Variants in MAST2 observed in about 807,000 individuals in gnomAD.
MAST2 encodes the protein microtubule associated serine/threonine kinase 2.
MAST2 carries 70 observed loss-of-function variants against 147.4 expected under a neutral mutation model. That is an observed-to-expected ratio of 0.47 (90% confidence interval 0.39 to 0.58). The LOEUF is 0.58. MAST2 is among the 20% of genes least tolerant of loss of function. The probability of loss-of-function intolerance (pLI) is 0.00; values close to 1 mark genes in which losing one functional copy is unlikely to be tolerated. For missense variants in MAST2, 2,080 were observed against 2,302.3 expected (o/e 0.90, Z 1.98); for synonymous variants, 869 against 896.8 (o/e 0.97, Z 0.55).
At chr1:45,816,220 A>AG (rs1491443312) in intron 1 of MAST2, among the ~76,000 whole-genome samples, 11 of 136,530 alleles carry the variant, frequency 8.1e-5, no homozygotes, top group African/African-American at 2.2e-4. Flanking sequence ...AGAGAGAGAG[A>AG]AAGAGAGAGA....
intron 1 of MAST2, among the ~76,000 whole-genome samples, chr1:45,818,230 A>G (rs1295989582): frequency 1.3e-5 from 2 of 152,210 alleles, no homozygotes; most frequent in Non-Finnish European, 2.9e-5. Flanking sequence ...ATTGCTGAGC[A>G]TACTTCTCAG....
chr1:45,808,218 T>C (rs548315094), intron 1 of MAST2, among the ~76,000 whole-genome samples: 1 of 152,342 alleles, frequency 6.6e-6, no homozygotes, highest in South Asian at 2.1e-4. Context: ...CATGAAATTA[T>C]ATCCATGGCT....
chr1:45,934,963 T>C (rs1188712307), intron 4 of MAST2, among the ~76,000 whole-genome samples: 1 of 152,260 alleles, frequency 6.6e-6, no homozygotes, highest in Non-Finnish European at 1.5e-5. Context: ...TTTAGTTCTT[T>C]GAGAAATCTC....
chr1:46,028,580 A>G (rs1464972541), intron 17 of MAST2, among the ~76,000 whole-genome samples, 188 bp from the exon 18 acceptor site: 2 of 152,210 alleles, frequency 1.3e-5, no homozygotes, highest in African/African-American at 4.8e-5. Context: ...TTTGTTAATT[A>G]GGAAATACCT....
chr1:45,991,697 C>G (rs1644860786), intron 5 of MAST2, among the ~76,000 whole-genome samples: 1 of 152,082 alleles, frequency 6.6e-6, no homozygotes, highest in Non-Finnish European at 1.5e-5. Flanking sequence ...ACACAATTGA[C>G]TTTTTAATAT....
intron 4 of MAST2, among the ~76,000 whole-genome samples, chr1:45,911,850 G>GT (rs1337381758): frequency 4.9e-4 from 65 of 133,246 alleles, no homozygotes; most frequent in African/African-American, 1.8e-3. Flanking sequence ...TATTATTATT[G>GT]TTATATTATT....
intron 5 of MAST2, among the ~76,000 whole-genome samples, chr1:45,982,252 T>C (rs1319814091): frequency 6.6e-6 from 1 of 152,192 alleles, no homozygotes; most frequent in East Asian, 1.9e-4. Context: ...GAATAAAGAA[T>C]TTCTGTGATC....
chr1:45,910,992 C>A (rs1162080666), intron 4 of MAST2, among the ~76,000 whole-genome samples: 2 of 152,118 alleles, frequency 1.3e-5, no homozygotes, highest in Non-Finnish European at 2.9e-5. Context: ...ACAGAGGAAA[C>A]CCCATTTCTT....
chr1:45,940,891 T>C (rs1442957981), intron 4 of MAST2, among the ~76,000 whole-genome samples: 1 of 152,200 alleles, frequency 6.6e-6, no homozygotes, highest in East Asian at 1.9e-4. Context: ...AGTGCTGGGA[T>C]TACAGGCGTG....
intron 4 of MAST2, among the ~76,000 whole-genome samples, chr1:45,951,769 G>A (rs1658963509): frequency 6.6e-6 from 1 of 152,190 alleles, no homozygotes; most frequent in Non-Finnish European, 1.5e-5. Flanking sequence ...TATCAAGAGT[G>A]CAAGACAGAA....
chr1:45,877,307 A>T (rs965030639), intron 3 of MAST2, among the ~76,000 whole-genome samples: 5 of 151,928 alleles, frequency 3.3e-5, no homozygotes, highest in South Asian at 2.1e-4. Flanking sequence ...GGCCAAGCTG[A>T]CCTCAGACTC....
chr1:45,934,612 AAG>A (rs1655908080), intron 4 of MAST2, among the ~76,000 whole-genome samples: 1 of 152,232 alleles, frequency 6.6e-6, no homozygotes, highest in Non-Finnish European at 1.5e-5. Flanking sequence ...TTTAGTAGAG[AAG>A]AGGTTTCACC....
At chr1:45,899,309 T>TTTTC (rs1553226683) in intron 4 of MAST2, among the ~76,000 whole-genome samples, 3 of 144,380 alleles carry the variant, frequency 2.1e-5, no homozygotes, top group Non-Finnish European at 1.5e-5. Context: ...TTTCTTTTCT[T>TTTTC]TTTTTTTTTT....
chr1:45,915,353 C>G (rs950331674), intron 4 of MAST2, among the ~76,000 whole-genome samples: 4 of 152,120 alleles, frequency 2.6e-5, no homozygotes, highest in African/African-American at 9.7e-5. Flanking sequence ...TCAAACAATC[C>G]TTTTTAGACT....
chr1:46,019,863 G>A (rs1646111787), intron 11 of MAST2, among the ~76,000 whole-genome samples, 166 bp downstream of exon 11: 1 of 152,206 alleles, frequency 6.6e-6, no homozygotes, highest in Non-Finnish European at 1.5e-5. Flanking sequence ...GTTTTTGTGA[G>A]GACAAATGTA....
At chr1:45,885,111 C>A (rs1157776397) in intron 4 of MAST2, among the ~76,000 whole-genome samples, 1 of 152,096 alleles carries the variant, frequency 6.6e-6, no homozygotes, top group East Asian at 1.9e-4. Context: ...AGTGACTTAC[C>A]ATTTGCTCCA....
intron 4 of MAST2, among the ~76,000 whole-genome samples, chr1:45,949,490 A>G (rs1658606361): frequency 6.6e-6 from 1 of 152,238 alleles, no homozygotes; most frequent in Non-Finnish European, 1.5e-5. Context: ...CGAGCATTAG[A>G]GAACTGCAAA....
At chr1:45,904,038 T>C (rs1348241532) in intron 4 of MAST2, among the ~76,000 whole-genome samples, 1 of 152,222 alleles carries the variant, frequency 6.6e-6, no homozygotes, top group Admixed American at 6.5e-5. Flanking sequence ...AGGGTCTCAG[T>C]TGGCTAAGCT....
chr1:45,975,914 A>G (rs909370255), intron 5 of MAST2, among the ~76,000 whole-genome samples: 6 of 151,416 alleles, frequency 4.0e-5, no homozygotes, highest in African/African-American at 1.2e-4. Flanking sequence ...TTTTGTATAT[A>G]TGTTCATTTT....
Sources: allele counts gnomAD v4.1 joint callset (sites outside exome capture counted in the v4.1 genomes callset), GRCh38; gene constraint gnomAD v4.1.1; transcripts MANE v1.5; gene names NCBI Gene and HGNC (gene_info 2026-07-23, HGNC 2026-07-21).